Variants in TRIQK observed in about 807,000 individuals in gnomAD.
TRIQK encodes the protein triple QxxK/R motif containing.
Under a neutral mutation model 10.8 loss-of-function variants are expected in TRIQK, and 10 were observed. The ratio of observed to expected loss-of-function variants is 0.92; its 90% confidence interval spans 0.57 to 1.57. The LOEUF is 1.57. Ranked by LOEUF, TRIQK falls within the 40% of genes most tolerant of loss-of-function variation. The pLI is 0.00. For missense variants in TRIQK, 107 were observed against 97.7 expected (o/e 1.09, Z -0.40); for synonymous variants, 33 against 33.7 (o/e 0.98, Z 0.07).
rs563618627 is a variant in TRIQK at position 92,949,164 on chromosome 8, G to C, written c.-22+5242C>G. On this transcript the variant is annotated intron_variant, in intron 2 of 4. Transcript: ENST00000521988. ...TCTGGCCTGGGAGGCTTCCTGATTA[G>C]AGAATTATTCTTTGCTCAATTAAAC... Among the ~76,000 whole-genome samples, 17 of 152,314 alleles carry C rather than the reference G, an allele frequency of 1.1e-4. No homozygotes were observed. In the South Asian group the frequency reaches 1.4e-3, roughly 13 times the overall value.
intron 2 of TRIQK, among the ~76,000 whole-genome samples, chr8:92,934,703 T>C (rs188919528): frequency 7.9e-5 from 12 of 152,084 alleles, no homozygotes; most frequent in African/African-American, 2.9e-4. Context: ...TGTTAGTATT[T>C]GCAGACTGCT....
chr8:92,896,537 G>A (rs538316173), intron 3 of TRIQK, among the ~76,000 whole-genome samples: 5 of 152,232 alleles, frequency 3.3e-5, no homozygotes, highest in African/African-American at 1.2e-4. Context: ...AACCAGTCAA[G>A]AGACTCCAAC....
At chr8:92,889,720 T>C (rs757780808) in intron 4 of TRIQK, among the ~76,000 whole-genome samples, 6 of 151,666 alleles carry the variant, frequency 4.0e-5, no homozygotes, top group Non-Finnish European at 7.4e-5. Flanking sequence ...TTCTAGTGTA[T>C]TATTGAACTC....
chr8:92,983,660 C>T (rs1244511057), intron 1 of TRIQK, among the ~76,000 whole-genome samples: 1 of 152,022 alleles, frequency 6.6e-6, no homozygotes, highest in African/African-American at 2.4e-5. Context: ...CACATGTTCT[C>T]ACTTACTGGG....
intron 2 of TRIQK, among the ~76,000 whole-genome samples, chr8:92,944,852 G>T (rs1372907497): frequency 6.6e-6 from 1 of 152,076 alleles, no homozygotes; most frequent in African/African-American, 2.4e-5. Flanking sequence ...GGAGAATTTT[G>T]AATGTTCTCA....
At chr8:92,968,015 A>G (rs1586517130), upstream of TRIQK, among the ~76,000 whole-genome samples, 1 of 152,198 alleles carries the variant, frequency 6.6e-6, no homozygotes, top group East Asian at 1.9e-4. Context: ...CATATGTAAG[A>G]TATTATACAA....
intron 2 of TRIQK, among the ~76,000 whole-genome samples, chr8:92,917,940 A>G (rs1028878133): frequency 1.3e-5 from 2 of 151,930 alleles, no homozygotes; most frequent in African/African-American, 4.8e-5. Flanking sequence ...CATGAGATCC[A>G]CTTTTTCAGC....
chr8:92,957,307 G>A (rs780962452), intron 1 of TRIQK, among the ~76,000 whole-genome samples: 3 of 151,360 alleles, frequency 2.0e-5, no homozygotes, highest in Admixed American at 6.6e-5. Context: ...ATTAATGTAT[G>A]TACATAAAAT....
chr8:92,984,160 A>G lies in TRIQK; in HGVS notation c.-180-29596T>C, dbSNP rs539394927. Reference sequence around the variant, plus strand: ...TACTATAATACTGACTTGGCATTCCATTACCACTCTGCCCTGTCTTCATCA... The same window carrying G: ...TACTATAATACTGACTTGGCATTCCGTTACCACTCTGCCCTGTCTTCATCA... On this transcript the variant is annotated intron_variant, in intron 1 of 4. Transcript: ENST00000520686. Among the ~76,000 whole-genome samples, 4 of 152,262 alleles carry G rather than the reference A, an allele frequency of 2.6e-5. No individual in the cohort carries two copies. The South Asian group carries it at 8.3e-4, about 32-fold the overall frequency.
At chr8:92,920,637 G>C (rs1810130537) in intron 2 of TRIQK, among the ~76,000 whole-genome samples, 1 of 151,684 alleles carries the variant, frequency 6.6e-6, no homozygotes, top group Non-Finnish European at 1.5e-5. Flanking sequence ...CTATTGGGTA[G>C]AAAAAGAGAA....
At position 92,886,574 on chromosome 8, in the gene TRIQK, G is replaced by T; in HGVS notation, c.*48C>A. ...AGTATTGAAAGTTTTGGTCCCAAAA[G>T]GTGCTTTCGTAAAGTTATTTCTCTT... On this transcript the variant is annotated 3_prime_UTR_variant, in exon 5 of 5. Coordinates refer to ENST00000521988, the MANE Select transcript of TRIQK (RefSeq NM_001171797.2). The T allele has an allele frequency of 2.5e-6, 3 of 1,207,202 alleles. No homozygotes were observed. Among genetic ancestry groups the T allele is most frequent in the South Asian group, 2.9e-5 (2 of 68,640 alleles). 74.8% of individuals were successfully genotyped at this position (1,207,202 alleles called of 1,614,324 possible). A position where few individuals can be genotyped will look rare whatever the true frequency, so the allele number is the denominator to read the frequency against.
chr8:92,968,324 G>T (rs1039029424), upstream of TRIQK, among the ~76,000 whole-genome samples: 2 of 152,110 alleles, frequency 1.3e-5, no homozygotes, highest in Non-Finnish European at 2.9e-5. Context: ...CCCAGTAATG[G>T]AATTCCTGGG....
chr8:92,979,129 A>G (rs1812960584), intron 1 of TRIQK, among the ~76,000 whole-genome samples: 1 of 152,108 alleles, frequency 6.6e-6, no homozygotes. Context: ...AATGGCTGGC[A>G]GTTGGAATCA....
intron 2 of TRIQK, among the ~76,000 whole-genome samples, chr8:92,949,034 T>C (rs1811694785): frequency 6.6e-6 from 1 of 152,192 alleles, no homozygotes; most frequent in Admixed American, 6.5e-5. Flanking sequence ...CTGTAACCAA[T>C]CTGGCTGTTT....
chr8:93,009,197 G>A (rs1023099730), intron 1 of TRIQK, among the ~76,000 whole-genome samples: 8 of 152,146 alleles, frequency 5.3e-5, no homozygotes, highest in African/African-American at 1.7e-4. Flanking sequence ...CTCCAAAGAA[G>A]ACGTACAAAT....
intron 2 of TRIQK, among the ~76,000 whole-genome samples, chr8:92,948,797 A>C (rs889392794): frequency 6.6e-6 from 1 of 152,256 alleles, no homozygotes; most frequent in Admixed American, 6.5e-5. Context: ...TAATTATTGT[A>C]AACTTAATTG....
chr8:92,889,061 T>G (rs1586361630), intron 4 of TRIQK, among the ~76,000 whole-genome samples: 1 of 151,804 alleles, frequency 6.6e-6, no homozygotes, highest in East Asian at 1.9e-4. Context: ...TGGCATTTTC[T>G]TTGTATTTCT....
Position 92,886,429 on chromosome 8 carries a change from G to C in TRIQK, c.*193C>G, listed in dbSNP as rs1405542248. On this transcript the variant is annotated 3_prime_UTR_variant, in exon 5 of 5. Transcript: ENST00000521988. ...GAAAGATATATAAAAGTATCCAGTA[G>C]CACATACTATACTGCATTGCTAGGT... 2.5e-6 allele frequency: 1 copy of C among 395,564 alleles called. No homozygotes were observed. Among genetic ancestry groups the C allele is most frequent in the Non-Finnish European group, 4.5e-6 (1 of 220,272 alleles). The allele number at this position is 395,564 out of a possible 1,614,324, so 24.5% of individuals were successfully genotyped here.
chr8:92,943,906 G>C (rs752310261), intron 2 of TRIQK, among the ~76,000 whole-genome samples: 4 of 151,960 alleles, frequency 2.6e-5, no homozygotes, highest in Non-Finnish European at 2.9e-5. Context: ...AGTAAAGAGA[G>C]AATCTACAGA....
Sources: gnomAD v4.1 joint callset for allele counts (sites outside exome capture counted in the v4.1 genomes callset) on GRCh38, gnomAD v4.1.1 for gene constraint, MANE v1.5 for transcripts, NCBI Gene and HGNC (gene_info 2026-07-23, HGNC 2026-07-21) for gene names.